The following NALF1 variants were observed in gnomAD, a reference collection of about 807,000 sequenced individuals.
NALF1 encodes NALCN channel auxiliary factor 1, also known as family with sequence similarity 155 member A.
Under a neutral mutation model 48.4 loss-of-function variants are expected in NALF1, and 3 were observed. The ratio of observed to expected loss-of-function variants is 0.06; its 90% CI spans 0.03 to 0.16. The LOEUF is 0.16. Ranked by LOEUF, NALF1 falls within the 10% of genes least tolerant of loss-of-function variation. NALF1 has a pLI of 1.00. For missense variants in NALF1, 526 were observed against 571.5 expected (o/e 0.92, Z 0.81); for synonymous variants, 262 against 245.7 (o/e 1.07, Z -0.62).
intron 1 of NALF1, among the ~76,000 whole-genome samples, chr13:107,353,608 G>A (rs1882912346): frequency 6.6e-6 from 1 of 152,202 alleles, no homozygotes; most frequent in African/African-American, 2.4e-5. Flanking sequence ...TCATACTAAT[G>A]TGGAAATGGT....
intron 1 of NALF1, among the ~76,000 whole-genome samples, chr13:107,305,261 T>C (rs2138897230): frequency 6.6e-6 from 1 of 152,120 alleles, no homozygotes; most frequent in East Asian, 1.9e-4. Flanking sequence ...TCTGATTGCA[T>C]TAAAGAAAAC....
At chr13:107,448,834 T>A (rs1016612850) in intron 1 of NALF1, among the ~76,000 whole-genome samples, 3 of 152,216 alleles carry the variant, frequency 2.0e-5, no homozygotes, top group Admixed American at 6.5e-5. Flanking sequence ...CTATGGTTTA[T>A]GTAGGTACCA....
intron 1 of NALF1, among the ~76,000 whole-genome samples, chr13:107,649,834 A>C (rs1880401977): frequency 6.6e-6 from 1 of 152,164 alleles, no homozygotes; most frequent in African/African-American, 2.4e-5. Flanking sequence ...TGTGTCCTGC[A>C]GTCTATACCA....
rs189455000 is a variant in NALF1, at chr13:107,764,143, G to A, written c.915+101539C>T. ...ATTATGGAAACTGGGCATGTTTGAA[G>A]AGGAAATAAAAAGGCAACATATTTA... On this transcript the variant is annotated intron_variant, in intron 1 of 2. Coordinates refer to ENST00000375915, the MANE Select transcript of NALF1 (RefSeq NM_001080396.3). Among the ~76,000 whole-genome samples the A allele has an allele frequency of 4.6e-5, 7 of 152,188 alleles. No homozygotes were observed. The East Asian group carries it at 1.4e-3, about 29-fold the overall frequency.
chr13:107,607,682 G>A (rs761727555), intron 1 of NALF1, among the ~76,000 whole-genome samples: 17 of 152,226 alleles, frequency 1.1e-4, no homozygotes, highest in Non-Finnish European at 1.9e-4. Context: ...ATAATGCCTC[G>A]GAGTTGAGAA....
At chr13:107,454,410 TAGA>T (rs1884791817) in intron 1 of NALF1, among the ~76,000 whole-genome samples, 1 of 152,146 alleles carries the variant, frequency 6.6e-6, no homozygotes, top group Non-Finnish European at 1.5e-5. Flanking sequence ...ACTAGGTGGC[TAGA>T]AGGAGACGTG....
intron 1 of NALF1, among the ~76,000 whole-genome samples, chr13:107,649,031 T>C (rs1179454163): frequency 6.6e-6 from 1 of 152,210 alleles, no homozygotes; most frequent in Non-Finnish European, 1.5e-5. Flanking sequence ...ATTTGTACTG[T>C]TTGTCTTTGT....
intron 1 of NALF1, among the ~76,000 whole-genome samples, chr13:107,586,701 A>G (rs1677238591): frequency 7.1e-6 from 1 of 140,938 alleles, no homozygotes; most frequent in Non-Finnish European, 1.5e-5. Flanking sequence ...AGACAAATGT[A>G]AGGAATATTG....
chr13:107,488,746 T>C (rs1346713982), intron 1 of NALF1, among the ~76,000 whole-genome samples: 2 of 152,038 alleles, frequency 1.3e-5, no homozygotes, highest in Non-Finnish European at 2.9e-5. Flanking sequence ...ACACTCTTAT[T>C]CAACATACTA....
chr13:107,207,973 G>T (rs528028594), intron 2 of NALF1, among the ~76,000 whole-genome samples: 2 of 152,086 alleles, frequency 1.3e-5, no homozygotes, highest in Non-Finnish European at 2.9e-5. Context: ...CACTCTTAAG[G>T]GACACCTGTA....
chr13:107,801,209 C>T (rs1302295169), intron 1 of NALF1, among the ~76,000 whole-genome samples: 1 of 152,136 alleles, frequency 6.6e-6, no homozygotes, highest in Non-Finnish European at 1.5e-5. Context: ...TTTGCTGTCA[C>T]AGAATTCTAG....
rs1365421369 is a variant in NALF1, at chr13:107,866,435, A to G, written c.162T>C (p.Asp54=). The G allele has an allele frequency of 6.2e-7, 1 of 1,613,968 alleles. No homozygotes were observed. The highest frequency in any genetic ancestry group is 2.2e-5 in the East Asian group (1 of 44,856). ...SLLFFTVLLS[D]HLWFCAEAKL... ...TGGCCTCGGCGCAGAACCACAAGTG[A>G]TCAGAGAGCAGGACTGTGAAAAACA... is the stretch of plus-strand genomic sequence containing the variant. The change falls in exon 1 of 3, where the codon GAT becomes GAC. Residue 54 remains aspartate (D), a synonymous_variant. Transcript: ENST00000375915. This position sits in a 1 kb window ranked among gnomAD's most constrained non-coding sequence, Gnocchi z 4.4.
intron 1 of NALF1, among the ~76,000 whole-genome samples, chr13:107,604,229 C>T (rs1566411377): frequency 1.3e-5 from 2 of 152,166 alleles, no homozygotes; most frequent in Non-Finnish European, 1.5e-5. Flanking sequence ...CAAATGCAAG[C>T]ATACTAAAAT....
chr13:107,353,682 C>T (rs991472524), intron 1 of NALF1, among the ~76,000 whole-genome samples: 1 of 152,180 alleles, frequency 6.6e-6, no homozygotes, highest in Non-Finnish European at 1.5e-5. Flanking sequence ...GCTGACATAA[C>T]TGTGAGATAA....
At chr13:107,409,239 A>G (rs999090449) in intron 1 of NALF1, among the ~76,000 whole-genome samples, 2 of 152,192 alleles carry the variant, frequency 1.3e-5, no homozygotes, top group Non-Finnish European at 2.9e-5. Context: ...CTCAACAAAT[A>G]GAGATGCAAG....
At chr13:107,766,786 G>C (rs1017181945) in intron 1 of NALF1, among the ~76,000 whole-genome samples, 30 of 152,134 alleles carry the variant, frequency 2.0e-4, no homozygotes, top group African/African-American at 6.0e-4. Context: ...TTGATTTAAA[G>C]CAGTTCACAG....
At chr13:107,439,140 A>AT (rs1396007985) in intron 1 of NALF1, among the ~76,000 whole-genome samples, 1 of 152,122 alleles carries the variant, frequency 6.6e-6, no homozygotes, top group Non-Finnish European at 1.5e-5. Context: ...TTCTAGGGTA[A>AT]TTGGTTATCT....
chr13:107,434,658 G>A (rs1200604689), intron 1 of NALF1, among the ~76,000 whole-genome samples: 1 of 152,200 alleles, frequency 6.6e-6, no homozygotes, highest in Non-Finnish European at 1.5e-5. Context: ...AAAACATGAA[G>A]TTGAAAATCA....
At chr13:107,558,052 G>C (rs1454366033) in intron 1 of NALF1, among the ~76,000 whole-genome samples, 2 of 151,680 alleles carry the variant, frequency 1.3e-5, no homozygotes, top group East Asian at 3.9e-4. Flanking sequence ...ACCAACCCAA[G>C]CTGCGTCCCT....
Sources: allele counts gnomAD v4.1 joint callset (sites outside exome capture counted in the v4.1 genomes callset), GRCh38; gene constraint gnomAD v4.1.1; non-coding constraint Gnocchi (gnomAD v3.1); transcripts MANE v1.5; gene names NCBI Gene and HGNC (gene_info 2026-07-23, HGNC 2026-07-21).